MNS1: variants seen among roughly 807,000 people sequenced by gnomAD.
MNS1 encodes meiosis-specific nuclear structural protein 1.
In MNS1, 63 loss-of-function variants were observed where a neutral mutation model predicts 72.0. That is an observed-to-expected ratio of 0.87 (90% CI 0.71 to 1.08). The LOEUF is 1.08. Among genes scored for constraint, MNS1 ranks in the 50% least tolerant of loss-of-function variants. The pLI is 0.00. For synonymous variants in MNS1, 188 were observed against 172.1 expected, an observed-to-expected ratio of 1.09 and a Z score of -0.72; for missense variants, 604 against 562.4, an observed-to-expected ratio of 1.07 and a Z score of -0.75.
intron 7 of MNS1, among the ~76,000 whole-genome samples, chr15:56,438,794 G>GA (rs1422200929): frequency 6.6e-5 from 10 of 151,998 alleles, no homozygotes; most frequent in Admixed American, 1.3e-4. Context: ...AAATTTACAA[G>GA]AAAAAATCAA....
In MNS1 at chr15:56,443,387, A is replaced by G; in HGVS notation, c.1011+43T>C. 3 of 1,389,484 alleles carry G rather than the reference A, an allele frequency of 2.2e-6. No homozygotes were observed. In the South Asian group the frequency reaches 4.3e-5, roughly 20 times the overall value. The allele number at this position is 1,389,484 out of a possible 1,614,324, so 86.1% of individuals were successfully genotyped here. The stretch of plus-strand genomic sequence containing the variant: ...CTTTTCTGCTTCATCTCAAAATTAT[A>G]TTCTTCTCTACATTAATCATTCTTT... On this transcript the variant is annotated intron_variant, in intron 7 of 9. Transcript: ENST00000260453.
chr15:56,446,077 T>C (rs1419373490), intron 4 of MNS1: 1 of 152,018 alleles, frequency 6.6e-6, no homozygotes, highest in African/African-American at 2.4e-5. Flanking sequence ...ATTTATGGTA[T>C]CTATTCTTAA....
intron 9 of MNS1, chr15:56,430,210 T>C (rs193302763): frequency 1.2e-4 from 19 of 152,318 alleles, no homozygotes; most frequent in African/African-American, 3.4e-4. Flanking sequence ...GAAACTGTTA[T>C]TACTTTTTTA....
chr15:56,444,279 C>T (rs1233695633), intron 5 of MNS1, among the ~76,000 whole-genome samples, 165 bp downstream of exon 5: 1 of 151,998 alleles, frequency 6.6e-6, no homozygotes, highest in Non-Finnish European at 1.5e-5. Context: ...ATTATGCTAA[C>T]GGAGATGAGA....
intron 4 of MNS1, 89 bp from the exon 5 acceptor site, chr15:56,444,762 A>AAT: frequency 8.8e-7 from 1 of 1,133,756 alleles, no homozygotes; most frequent in South Asian, 1.5e-5. Flanking sequence ...GAATATTATA[A>AAT]AGTCTTTTAC....
At chr15:56,447,830 C>T (rs2050919001) in intron 3 of MNS1, 1 of 152,102 alleles carries the variant, frequency 6.6e-6, no homozygotes, top group Non-Finnish European at 1.5e-5. Context: ...TCGCACTTAT[C>T]CTGAGGCAAG....
At chr15:56,450,615 T>C (rs1473638678) in intron 3 of MNS1, among the ~76,000 whole-genome samples, 2 of 152,248 alleles carry the variant, frequency 1.3e-5, no homozygotes, top group Non-Finnish European at 2.9e-5. Flanking sequence ...AAGGATATTG[T>C]ATAATGTATA....
chr15:56,438,701 A>G (rs2050769578), intron 7 of MNS1, among the ~76,000 whole-genome samples: 1 of 152,232 alleles, frequency 6.6e-6, no homozygotes, highest in African/African-American at 2.4e-5. Context: ...ATCAGAGTGA[A>G]CAGCCAACCT....
intron 3 of MNS1, among the ~76,000 whole-genome samples, chr15:56,449,066 C>G (rs1455410568): frequency 2.0e-5 from 3 of 152,018 alleles, no homozygotes; most frequent in African/African-American, 7.2e-5. Flanking sequence ...TTTGTAGATG[C>G]TTTTGGATGT....
At chr15:56,431,595 A>G (rs2050598134) in intron 8 of MNS1, 97 bp from the exon 9 acceptor site, 7 of 1,237,706 alleles carry the variant, frequency 5.7e-6, no homozygotes, top group Admixed American at 4.4e-5. Context: ...GATAAAATTG[A>G]TGAACTATTT....
chr15:56,462,985 GA>G, intron 2 of MNS1, among the ~76,000 whole-genome samples: 1 of 152,096 alleles, frequency 6.6e-6, no homozygotes, highest in Middle Eastern at 3.4e-3. Context: ...CTAAGCTTTT[GA>G]ATTTGGAACA....
intron 2 of MNS1, among the ~76,000 whole-genome samples, chr15:56,459,990 CAAAA>C (rs150132300): frequency 1.8e-4 from 2 of 11,114 alleles, no homozygotes; most frequent in African/African-American, 8.9e-4. Flanking sequence ...AATTCTGTCT[CAAAA>C]AAAAAAAAAA....
At chr15:56,457,710 G>T (rs548698205) in intron 2 of MNS1, among the ~76,000 whole-genome samples, 1 of 151,808 alleles carries the variant, frequency 6.6e-6, no homozygotes, top group Non-Finnish European at 1.5e-5. Context: ...GCTGTATCAG[G>T]AGGTTGAGGT....
At chr15:56,439,634 A>C (rs2050785093) in intron 7 of MNS1, among the ~76,000 whole-genome samples, 1 of 152,124 alleles carries the variant, frequency 6.6e-6, no homozygotes, top group African/African-American at 2.4e-5. Flanking sequence ...CCATTTCAAC[A>C]AATGGTGTGG....
chr15:56,439,684 G>A (rs2050785782), intron 7 of MNS1, among the ~76,000 whole-genome samples: 1 of 151,014 alleles, frequency 6.6e-6, no homozygotes, highest in Admixed American at 6.6e-5. Flanking sequence ...CTGTATTTAA[G>A]TCTCATCGTT....
rs750894308 is a variant in MNS1, at chr15:56,456,484, T to C, written c.263A>G (p.Lys88Arg). The change falls in exon 3 of 10, where the codon AAA (lysine) becomes AGA (arginine). Residue 88 changes from lysine to arginine, a missense_variant. Transcript: ENST00000260453. Reference sequence around the variant, plus strand: ...TTCCATAGCCAGTTTTTCTTCTTGTTTGAGCTGGAGTTCTTTCAATCTCTT... The same window carrying C: ...TTCCATAGCCAGTTTTTCTTCTTGTCTGAGCTGGAGTTCTTTCAATCTCTT... The part of the protein sequence containing the change: ...ENKRLKELQL[K>R]QEEKLAMELA... The C allele has an allele frequency of 3.7e-6, 6 of 1,612,388 alleles. No homozygotes were observed. The Admixed American group carries it at 8.4e-5, about 22-fold the overall frequency.
At chr15:56,442,779 T>A (rs571043912) in intron 7 of MNS1, among the ~76,000 whole-genome samples, 7 of 152,134 alleles carry the variant, frequency 4.6e-5, no homozygotes, top group Admixed American at 1.3e-4. Context: ...AAACTACCTA[T>A]CGAGTACTAT....
At position 56,428,834 on chromosome 15, in the gene MNS1, G is replaced by A. The variant is rs113452360; in HGVS notation, c.*267C>T. ...GGGGTAGAGTTCTGTATTAGTCAAGGTAAATATACTGTCTTGAGGATGGGG... is the reference window on the plus strand; with the variant it reads ...GGGGTAGAGTTCTGTATTAGTCAAGATAAATATACTGTCTTGAGGATGGGG... On this transcript the variant is annotated 3_prime_UTR_variant, in exon 10 of 10. Coordinates refer to ENST00000260453, the MANE Select transcript of MNS1 (RefSeq NM_018365.4). 2.0e-3 allele frequency: 783 copies of A among 399,490 alleles called. 4 individuals are homozygous for A. Among genetic ancestry groups the A allele is most frequent in the African/African-American group, 0.015 (728 of 48,082 alleles). The allele number at this position is 399,490 out of a possible 1,614,324, so 24.7% of individuals were successfully genotyped here.
Position 56,465,015 on chromosome 15 carries a change from C to T in MNS1, c.-43G>A, listed in dbSNP as rs752560625. 1.3e-6 allele frequency: 2 copies of T among 1,588,918 alleles called. No individual in the cohort carries two copies. Among genetic ancestry groups the T allele is most frequent in the African/African-American group, 2.7e-5 (2 of 74,194 alleles). ...ACCCCCTCTCGTGGGACCGCGGCCACCACCTCCCGCCGCAAACGCAGCAGC... is the reference window on the plus strand; with the variant it reads ...ACCCCCTCTCGTGGGACCGCGGCCATCACCTCCCGCCGCAAACGCAGCAGC... On this transcript the variant is annotated 5_prime_UTR_variant, in exon 1 of 10. The change creates a new upstream start codon in the 5' untranslated region. Transcript: ENST00000260453.
Sources: allele counts gnomAD v4.1 joint callset (sites outside exome capture counted in the v4.1 genomes callset), GRCh38; gene constraint gnomAD v4.1.1; transcripts MANE v1.5; gene names NCBI Gene and HGNC (gene_info 2026-07-23, HGNC 2026-07-21).